IQANK1: variants seen among roughly 807,000 people sequenced by gnomAD.
IQANK1 encodes IQ motif and ankyrin repeat containing 1, also known as IQ motif and ankyrin repeat domain-containing protein 1.
Under a neutral mutation model 22.6 loss-of-function variants are expected in IQANK1, and 30 were observed. That is an observed-to-expected ratio of 1.33 (90% CI 0.99 to 1.80). The LOEUF is 1.80. IQANK1 is among the 40% of genes most tolerant of loss of function. The pLI is 0.00. For synonymous variants in IQANK1, 122 were observed against 99.6 expected, an observed-to-expected ratio of 1.23 and a Z score of -1.34; for missense variants, 275 against 235.2, an observed-to-expected ratio of 1.17 and a Z score of -1.11.
intron 3 of IQANK1, among the ~76,000 whole-genome samples, chr8:143,748,806 T>TAA (rs1819100993): frequency 6.1e-5 from 1 of 16,278 alleles, no homozygotes; most frequent in East Asian, 0.011. Flanking sequence ...TAAATATATA[T>TAA]CATATAAATA....
chr8:143,781,830 A>G (rs1819801756), intron 7 of IQANK1, among the ~76,000 whole-genome samples: 1 of 152,098 alleles, frequency 6.6e-6, no homozygotes. Context: ...TTAAAATAGT[A>G]TTTTCTAGTT....
At position 143,774,420 on chromosome 8, in the gene IQANK1, T is replaced by C. The variant is rs1819644866; in HGVS notation, c.789+1938T>C. Among the ~76,000 whole-genome samples, 1 of 152,158 alleles carries C rather than the reference T, an allele frequency of 6.6e-6. No individual in the cohort carries two copies. The highest frequency in any genetic ancestry group is 1.5e-5 in the Non-Finnish European group (1 of 68,028). ...AAGAGAAATTTCACCAAAGAGGATCTAATGATGGCAGATGAACACCCGAGG... is the reference window on the plus strand; with the variant it reads ...AAGAGAAATTTCACCAAAGAGGATCCAATGATGGCAGATGAACACCCGAGG... On this transcript the variant is annotated intron_variant, in intron 7 of 13. Coordinates refer to ENST00000527139, the MANE Select transcript of IQANK1 (RefSeq NM_001381874.1). This position sits in a 1 kb window ranked among gnomAD's most constrained non-coding sequence, Gnocchi z 4.2.
chr8:143,765,074 C>T (rs148068384), intron 3 of IQANK1, among the ~76,000 whole-genome samples: 4 of 152,176 alleles, frequency 2.6e-5, no homozygotes, highest in Admixed American at 6.5e-5. Context: ...TATATAGCCG[C>T]GCCGGGTTTG....
intron 7 of IQANK1, among the ~76,000 whole-genome samples, chr8:143,776,902 T>C (rs781796665): frequency 6.6e-6 from 1 of 152,050 alleles, no homozygotes; most frequent in Non-Finnish European, 1.5e-5. Flanking sequence ...CATAGGGTAT[T>C]GGGTGGAGTT....
intron 3 of IQANK1, among the ~76,000 whole-genome samples, chr8:143,769,544 A>G (rs1030810177): frequency 6.6e-6 from 1 of 152,076 alleles, no homozygotes; most frequent in South Asian, 2.1e-4. Context: ...ATGTCCCCCA[A>G]ATTGCATCCT....
At chr8:143,761,551 C>T (rs1215538159) in intron 3 of IQANK1, among the ~76,000 whole-genome samples, 1 of 152,206 alleles carries the variant, frequency 6.6e-6, no homozygotes, top group African/African-American at 2.4e-5. Context: ...GGGAGGATTG[C>T]TTCAGCCCAG....
intron 7 of IQANK1, among the ~76,000 whole-genome samples, chr8:143,773,168 G>T (rs191887689): frequency 6.6e-6 from 1 of 152,136 alleles, no homozygotes; most frequent in South Asian, 2.1e-4. Context: ...TTAGCTGGGC[G>T]TCGTGGCGCA....
intron 7 of IQANK1, among the ~76,000 whole-genome samples, chr8:143,779,676 T>C (rs968859176): frequency 6.6e-6 from 1 of 152,236 alleles, no homozygotes; most frequent in East Asian, 1.9e-4. Context: ...ACTCCAGTTC[T>C]TCCACTTACA....
intron 2 of IQANK1, 73 bp downstream of exon 2, chr8:143,736,011 G>A (rs1245261859): frequency 1.0e-5 from 7 of 694,398 alleles, no homozygotes; most frequent in African/African-American, 5.3e-5. Context: ...TGTAGCCACC[G>A]AGAGACACCC....
At chr8:143,778,979 C>G (rs1819742179) in intron 7 of IQANK1, among the ~76,000 whole-genome samples, 1 of 152,156 alleles carries the variant, frequency 6.6e-6, no homozygotes, top group Non-Finnish European at 1.5e-5. Context: ...TGTTGGCCAG[C>G]TGGTTTCGAA....
chr8:143,756,774 T>C (rs1455404296), intron 3 of IQANK1, among the ~76,000 whole-genome samples: 1 of 150,420 alleles, frequency 6.6e-6, no homozygotes, highest in Non-Finnish European at 1.5e-5. Context: ...CAGACCAGCC[T>C]GGGCAACACA....
At chr8:143,775,335 T>TACACACAC (rs55908803) in intron 7 of IQANK1, among the ~76,000 whole-genome samples, 2 of 147,620 alleles carry the variant, frequency 1.4e-5, no homozygotes, top group Admixed American at 6.7e-5. Flanking sequence ...CCAGGCATGC[T>TACACACAC]ACACACACAC....
intron 1 of IQANK1, 127 bp downstream of exon 1, chr8:143,734,346 C>T (rs1818660957): frequency 6.6e-6 from 1 of 152,032 alleles, no homozygotes; most frequent in Non-Finnish European, 1.5e-5. Flanking sequence ...GACGAGGACC[C>T]CGCCCACACA....
At chr8:143,768,363 C>A (rs1484482635) in intron 3 of IQANK1, among the ~76,000 whole-genome samples, 4 of 152,022 alleles carry the variant, frequency 2.6e-5, no homozygotes, top group Non-Finnish European at 5.9e-5. Context: ...CCCTCGATCA[C>A]TTAGTGGGGG....
intron 3 of IQANK1, among the ~76,000 whole-genome samples, chr8:143,762,264 G>A (rs1306807376): frequency 2.0e-5 from 3 of 150,678 alleles, no homozygotes; most frequent in African/African-American, 4.9e-5. Context: ...AGCCGAGATC[G>A]CGCCATTGCA....
Position 143,771,437 on chromosome 8 carries a change from A to G in IQANK1, c.176-51A>G, listed in dbSNP as rs1819570739. ...CCGGCTCCACTCCCAGGGGCGCAGC[A>G]GGCGTGGCTGGAGGCGAGAACGCGC... is the stretch of plus-strand genomic sequence containing the variant. On this transcript the variant is annotated intron_variant, in intron 3 of 13. Transcript: ENST00000527139. This position sits in a 1 kb window ranked among gnomAD's most constrained non-coding sequence, Gnocchi z 6.0. 2.5e-6 allele frequency: 1 copy of G among 394,018 alleles called. No individual in the cohort carries two copies. The highest frequency in any genetic ancestry group is 4.5e-6 in the Non-Finnish European group (1 of 223,222). The allele number at this position is 394,018 out of a possible 1,614,324, so 24.4% of individuals were successfully genotyped here. A position where few individuals can be genotyped will look rare whatever the true frequency, so the allele number is the denominator to read the frequency against.
chr8:143,762,631 A>G (rs782056677), intron 3 of IQANK1, among the ~76,000 whole-genome samples: 3 of 152,224 alleles, frequency 2.0e-5, no homozygotes, highest in Non-Finnish European at 2.9e-5. Flanking sequence ...TGGAGGGGCA[A>G]CTTGCTTCTG....
At chr8:143,780,941 C>CA (rs1819785590) in intron 7 of IQANK1, among the ~76,000 whole-genome samples, 1 of 152,172 alleles carries the variant, frequency 6.6e-6, no homozygotes, top group Admixed American at 6.5e-5. Flanking sequence ...ATACTCCCAC[C>CA]AACAGTGTGT....
Position 143,773,326 on chromosome 8 carries a change from C to A in IQANK1, c.789+844C>A, listed in dbSNP as rs368348954. Among the ~76,000 whole-genome samples the A allele has an allele frequency of 2.6e-3, 313 of 121,600 alleles. 3 individuals carry two copies. The highest frequency in any genetic ancestry group is 9.0e-3 in the African/African-American group (233 of 25,982). 79.8% of individuals were successfully genotyped at this position (121,600 alleles called of 152,430 possible). A position where few individuals can be genotyped will look rare whatever the true frequency, so the allele number is the denominator to read the frequency against. On this transcript the variant is annotated intron_variant, in intron 7 of 13. Transcript: ENST00000527139. ...AAAAAAAAAAAAAAAACAAAAAAAACACAAAAAAAACAGAGTCTGCCCTGG... is the reference window on the plus strand; with the variant it reads ...AAAAAAAAAAAAAAAACAAAAAAAAAACAAAAAAAACAGAGTCTGCCCTGG...
Sources: allele counts gnomAD v4.1 joint callset (sites outside exome capture counted in the v4.1 genomes callset), GRCh38; gene constraint gnomAD v4.1.1; non-coding constraint Gnocchi (gnomAD v3.1); transcripts MANE v1.5; gene names NCBI Gene and HGNC (gene_info 2026-07-23, HGNC 2026-07-21).